ECSCR: variants seen among roughly 807,000 people sequenced by gnomAD.
ECSCR encodes the protein endothelial cell surface expressed chemotaxis and apoptosis regulator, also known as endothelial cell-specific chemotaxis regulator.
A neutral mutation model predicts 16.7 loss-of-function variants in ECSCR; 12 were observed. That is an observed-to-expected ratio of 0.72 (90% CI 0.46 to 1.17). ECSCR has a LOEUF of 1.17. Among genes scored for constraint, ECSCR ranks in the 50% most tolerant of loss-of-function variants. The pLI is 0.00. For missense variants in ECSCR, 122 were observed against 116.1 expected (o/e 1.05, Z -0.23); for synonymous variants, 44 against 42.2 (o/e 1.04, Z -0.17).
chr5:139,462,739 G>A lies in ECSCR; in HGVS notation c.-69C>T. The A allele has an allele frequency of 7.7e-7, 1 of 1,305,910 alleles. No individual in the cohort carries two copies. The highest frequency in any genetic ancestry group is 1.1e-6 in the Non-Finnish European group (1 of 935,676). 80.9% of individuals were successfully genotyped at this position (1,305,910 alleles called of 1,614,324 possible). Reference sequence around the variant, plus strand: ...TCTGTCCATAGTGGAGAAGAGAGAGGGAGTGCTGGGGCGGGATGGGGGTGG... The same window carrying A: ...TCTGTCCATAGTGGAGAAGAGAGAGAGAGTGCTGGGGCGGGATGGGGGTGG... On this transcript the variant is annotated 5_prime_UTR_variant, in exon 1 of 10. Transcript: ENST00000618155.
intron 2 of ECSCR, 65 bp downstream of exon 2, chr5:139,458,074 C>T (rs1751199210): frequency 8.0e-6 from 12 of 1,496,210 alleles, no homozygotes; most frequent in Admixed American, 2.0e-5. Context: ...TGGCATAGAG[C>T]TCCTCTCACC....
chr5:139,457,057 G>A (rs1281673277), intron 4 of ECSCR, among the ~76,000 whole-genome samples: 1 of 152,242 alleles, frequency 6.6e-6, no homozygotes, highest in Non-Finnish European at 1.5e-5. Context: ...CGTGAATGAG[G>A]AAGCACACTC....
At chr5:139,460,764 T>C (rs1751282540) in intron 1 of ECSCR, among the ~76,000 whole-genome samples, 2 of 152,012 alleles carry the variant, frequency 1.3e-5, no homozygotes, top group African/African-American at 4.8e-5. Flanking sequence ...ATTTCCCAGG[T>C]CTCCCCTCTC....
rs146078733 is a variant in ECSCR at position 139,451,009 on chromosome 5, G to T, written c.513-1835C>A. Reference sequence around the variant, plus strand: ...TCAGTCCATCTCCTGTCATTTGATTGTTCCCTTTCAGGTCTGCCCCTGTCC... The same window carrying T: ...TCAGTCCATCTCCTGTCATTTGATTTTTCCCTTTCAGGTCTGCCCCTGTCC... On this transcript the variant is annotated intron_variant, in intron 8 of 9. Transcript: ENST00000618155. Among the ~76,000 whole-genome samples, 65 of 152,222 alleles carry T rather than the reference G, an allele frequency of 4.3e-4. 1 individual carries two copies. The East Asian group carries it at 0.012, about 28-fold the overall frequency.
Position 139,458,310 on chromosome 5 carries a change from ATTTTGTTTTG to A in ECSCR, c.62-137_62-128del. ...AGCAAGACCCTGTCTCTAAAAAAAA[ATTTTGTTTTG>A]TTTTGTTTTTTTTTTTTTTTTAAAT... On this transcript the variant is annotated intron_variant, in intron 1 of 9. Transcript: ENST00000618155. 7.9e-6 allele frequency: 7 copies of A among 883,440 alleles called. No individual in the cohort carries two copies. The South Asian group carries it at 8.5e-5, about 11-fold the overall frequency. 54.7% of individuals were successfully genotyped at this position (883,440 alleles called of 1,614,324 possible).
chr5:139,458,500 C>CAAAAAAAAAAAAAAAAAAAA (rs397882364), intron 1 of ECSCR, among the ~76,000 whole-genome samples: 19 of 85,354 alleles, frequency 2.2e-4, no homozygotes, highest in African/African-American at 6.4e-4. Flanking sequence ...CCTATCTCAA[C>CAAAAAAAAAAAAAAAAAAAA]AAAAAAAAAA....
chr5:139,452,230 G>T (rs1751070426), intron 8 of ECSCR, among the ~76,000 whole-genome samples: 1 of 129,118 alleles, frequency 7.7e-6, no homozygotes, highest in Admixed American at 8.3e-5. Context: ...GTGTAGGGGT[G>T]TGTGTGTATG....
intron 1 of ECSCR, among the ~76,000 whole-genome samples, chr5:139,460,185 G>A (rs2152090167): frequency 6.6e-6 from 1 of 151,954 alleles, no homozygotes; most frequent in African/African-American, 2.4e-5. Flanking sequence ...ACCCAGGCTG[G>A]AGTGCAGTGG....
Position 139,448,870 on chromosome 5 carries a change from C to T in ECSCR, c.*30G>A, listed in dbSNP as rs1176928615. On this transcript the variant is annotated 3_prime_UTR_variant, in exon 10 of 10. Coordinates refer to ENST00000618155, the MANE Select transcript of ECSCR (RefSeq NM_001077693.4). Reference sequence around the variant, plus strand: ...TGTAGTCACAGGGCAGCTGCATCATCCTTGGACTCATGGGGACCCAAAGTT... The same window carrying T: ...TGTAGTCACAGGGCAGCTGCATCATTCTTGGACTCATGGGGACCCAAAGTT... 6.5e-7 allele frequency: 1 copy of T among 1,537,238 alleles called. No homozygotes were observed.
chr5:139,458,235 A>T, intron 1 of ECSCR, 52 bp from the exon 2 acceptor site: 1 of 1,520,342 alleles, frequency 6.6e-7, no homozygotes, highest in Non-Finnish European at 8.9e-7. Flanking sequence ...CCCAGCACAG[A>T]GCCTAGAAAG....
At chr5:139,462,176 G>A (rs1751320326) in intron 1 of ECSCR, among the ~76,000 whole-genome samples, 1 of 152,170 alleles carries the variant, frequency 6.6e-6, no homozygotes, top group Non-Finnish European at 1.5e-5. Flanking sequence ...CATGTGAAAG[G>A]AGAGAACAGA....
intron 2 of ECSCR, 63 bp from the exon 3 acceptor site, chr5:139,457,870 GT>G: frequency 6.6e-7 from 1 of 1,518,302 alleles, no homozygotes; most frequent in Non-Finnish European, 9.0e-7. Flanking sequence ...TCCCTCTCTT[GT>G]TCCCTAGATC....
In ECSCR at chr5:139,462,657, C is replaced by T; in HGVS notation, c.14G>A (p.Gly5Glu). MGTA[G>E]AMQLCWVILG... ...GATCACCCAGCACAGCTGCATGGCT[C>T]CTGCGGTGCCCATGTCAGCTGGGTA... The change falls in exon 1 of 10, where the codon GGA (glycine) becomes GAA (glutamate). Residue 5 changes from glycine (G) to glutamate (E), a missense_variant. Gly to Glu is a moderately conservative substitution (Grantham distance 98). Transcript: ENST00000618155. 1 of 1,590,448 alleles carries T rather than the reference C, an allele frequency of 6.3e-7. No homozygotes were observed. Among genetic ancestry groups the T allele is most frequent in the Non-Finnish European group, 8.6e-7 (1 of 1,169,078 alleles).
At chr5:139,449,468 G>C (rs1750981338) in intron 8 of ECSCR, among the ~76,000 whole-genome samples, 1 of 152,100 alleles carries the variant, frequency 6.6e-6, no homozygotes, top group Non-Finnish European at 1.5e-5. Flanking sequence ...CTCCTGAGTA[G>C]CTGGGATTAC....
At chr5:139,458,292 C>T in intron 1 of ECSCR, 109 bp from the exon 2 acceptor site, 1 of 1,058,638 alleles carries the variant, frequency 9.4e-7, no homozygotes, top group Non-Finnish European at 1.4e-6. Flanking sequence ...CATAGCAAGA[C>T]CCTGTCTCTA....
chr5:139,458,500 C>CAAAAAAAGAAAAAAAAAAAAAAA (rs1751215085), intron 1 of ECSCR, among the ~76,000 whole-genome samples: 1 of 85,382 alleles, frequency 1.2e-5, no homozygotes, highest in African/African-American at 6.4e-5. Flanking sequence ...CCTATCTCAA[C>CAAAAAAAGAAAAAAAAAAAAAAA]AAAAAAAAAA....
chr5:139,457,518 G>T (rs1751184185), intron 4 of ECSCR, 27 bp downstream of exon 4: 1 of 781,708 alleles, frequency 1.3e-6, no homozygotes, highest in South Asian at 1.3e-5. Context: ...TCCCTGGATG[G>T]CATTTGTAGT....
Position 139,453,795 on chromosome 5 carries a change from G to A in ECSCR, c.512+807C>T, listed in dbSNP as rs1165490759. Among the ~76,000 whole-genome samples, 8 of 78,412 alleles carry A rather than the reference G, an allele frequency of 1.0e-4. No homozygotes were observed. The South Asian group carries it at 3.4e-3, about 33-fold the overall frequency. The allele number at this position is 78,412 out of a possible 152,430, so 51.4% of individuals were successfully genotyped here. ...GTGTGTGGTGTGTATAGTACAGGGT[G>A]TGTGTGGTGTGTGATGTGTGGGGGA... On this transcript the variant is annotated intron_variant, in intron 8 of 9. Transcript: ENST00000618155.
chr5:139,456,508 G>A lies in ECSCR; in HGVS notation c.228C>T (p.Val76=). The A allele has an allele frequency of 2.5e-6, 1 of 398,704 alleles. No individual in the cohort carries two copies. Among genetic ancestry groups the A allele is most frequent in the East Asian group, 3.6e-5 (1 of 28,080 alleles). The allele number at this position is 398,704 out of a possible 1,614,324, so 24.7% of individuals were successfully genotyped here. Residue 76 remains valine (V), a synonymous_variant, in exon 5 of 10, where the codon GTC becomes GTT. Coordinates refer to ENST00000618155, the MANE Select transcript of ECSCR (RefSeq NM_001077693.4). ...LSSTGTPGAG[V]PSSGRDGGTS... The stretch of plus-strand genomic sequence containing the variant: ...TGCCTCCGTCTCTTCCACTGCTGGG[G>A]ACACCTGCGCCTGCACCATGAAACA...
Sources: gnomAD v4.1 joint callset for allele counts (sites outside exome capture counted in the v4.1 genomes callset) on GRCh38, gnomAD v4.1.1 for gene constraint, MANE v1.5 for transcripts, NCBI Gene and HGNC (gene_info 2026-07-23, HGNC 2026-07-21) for gene names.